SNTB1: variants seen among roughly 807,000 people sequenced by gnomAD.
SNTB1 encodes the protein beta-1-syntrophin.
A neutral mutation model predicts 48.9 loss-of-function variants in SNTB1; 36 were observed. That is an observed-to-expected ratio of 0.74 (90% CI 0.56 to 0.97). The LOEUF (loss-of-function observed/expected upper bound fraction) is 0.97. Among genes scored for constraint, SNTB1 ranks in the 50% least tolerant of loss-of-function variants. The probability of loss-of-function intolerance (pLI) is 0.00; values close to 1 mark genes in which losing one functional copy is unlikely to be tolerated. For missense variants in SNTB1, 786 were observed against 703.4 expected (o/e 1.12, Z -1.33); for synonymous variants, 299 against 294.6 (o/e 1.01, Z -0.15).
At chr8:120,566,637 C>T (rs1815753344) in intron 4 of SNTB1, among the ~76,000 whole-genome samples, 1 of 152,174 alleles carries the variant, frequency 6.6e-6, no homozygotes, top group South Asian at 2.1e-4. Flanking sequence ...TCTTCTAAAT[C>T]AATAGTTCTC....
chr8:120,694,081 A>C (rs1284013934), intron 1 of SNTB1, among the ~76,000 whole-genome samples, 173 bp from the exon 2 acceptor site: 2 of 151,182 alleles, frequency 1.3e-5, no homozygotes, highest in African/African-American at 2.4e-5. Flanking sequence ...CTTATTATTT[A>C]AATTATATAG....
At chr8:120,555,963 C>T (rs766139246) in intron 4 of SNTB1, among the ~76,000 whole-genome samples, 2 of 152,192 alleles carry the variant, frequency 1.3e-5, no homozygotes, top group Non-Finnish European at 2.9e-5. Flanking sequence ...TGATCTTGGA[C>T]TTCCAGCCTC....
At chr8:120,762,817 G>GA (rs756391401) in intron 1 of SNTB1, among the ~76,000 whole-genome samples, 113 of 151,434 alleles carry the variant, frequency 7.5e-4, no homozygotes, top group East Asian at 3.1e-3. Context: ...CTTGCCGAAA[G>GA]AAAAAAAATA....
intron 4 of SNTB1, among the ~76,000 whole-genome samples, chr8:120,561,054 G>T (rs1260303127): frequency 6.6e-6 from 1 of 151,924 alleles, no homozygotes; most frequent in Non-Finnish European, 1.5e-5. Flanking sequence ...GAGGCTGGGC[G>T]CAGTGGCTCA....
chr8:120,799,039 C>T (rs1820170865), intron 1 of SNTB1, among the ~76,000 whole-genome samples: 1 of 151,942 alleles, frequency 6.6e-6, no homozygotes, highest in South Asian at 2.1e-4. Flanking sequence ...CAGAAGCAAC[C>T]CTTAACGCAA....
chr8:120,700,823 A>T lies in SNTB1; in HGVS notation c.572-6915T>A, dbSNP rs558660393. Among the ~76,000 whole-genome samples the T allele has an allele frequency of 3.9e-5, 6 of 152,354 alleles. No individual in the cohort carries two copies. In the East Asian group the frequency reaches 9.6e-4, roughly 24 times the overall value. ...GGAAATGCTTTAGGCAAATCCAATC[A>T]ACTCTCCTACCAGACTGGTTTCTAA... On this transcript the variant is annotated intron_variant, in intron 1 of 6. Transcript: ENST00000517992.
At chr8:120,611,326 A>T (rs985469571) in intron 3 of SNTB1, among the ~76,000 whole-genome samples, 1 of 148,222 alleles carries the variant, frequency 6.7e-6, no homozygotes, top group African/African-American at 2.5e-5. Context: ...GCAAAATCAA[A>T]AGTTGGCAAA....
intron 2 of SNTB1, among the ~76,000 whole-genome samples, chr8:120,667,157 G>GACCATCATAGTTCACTGCAGCGGC (rs1415419555): frequency 2.6e-4 from 8 of 30,628 alleles, no homozygotes; most frequent in Non-Finnish European, 4.3e-4. Flanking sequence ...GCTGCAGTGG[G>GACCATCATAGTTCACTGCAGCGGC]ACCATCATAG....
intron 1 of SNTB1, among the ~76,000 whole-genome samples, chr8:120,806,143 A>G (rs1820331103): frequency 6.6e-6 from 1 of 152,234 alleles, no homozygotes; most frequent in Non-Finnish European, 1.5e-5. Context: ...CCAGTTCTCA[A>G]GAAGGTGGGG....
chr8:120,690,963 G>A (rs1480228367), intron 2 of SNTB1, among the ~76,000 whole-genome samples: 1 of 152,196 alleles, frequency 6.6e-6, no homozygotes, highest in Non-Finnish European at 1.5e-5. Flanking sequence ...CTGCCCTGCT[G>A]GTTCTCACAC....
At chr8:120,743,155 G>A (rs1353762915) in intron 1 of SNTB1, among the ~76,000 whole-genome samples, 1 of 152,096 alleles carries the variant, frequency 6.6e-6, no homozygotes, top group African/African-American at 2.4e-5. Context: ...CTTCTTTATG[G>A]GTTTTTCTGC....
intron 4 of SNTB1, among the ~76,000 whole-genome samples, chr8:120,573,889 G>A (rs539232415): frequency 2.6e-5 from 4 of 152,282 alleles, no homozygotes; most frequent in Admixed American, 6.5e-5. Context: ...ACTGGTCTCC[G>A]TGTTTTTATG....
At chr8:120,775,707 CAAGGAAGGAAGGAAGG>C (rs371412589) in intron 1 of SNTB1, among the ~76,000 whole-genome samples, 2,154 of 114,442 alleles carry the variant, frequency 0.019, 54 homozygotes, top group African/African-American at 0.058. Flanking sequence ...GGGAAGGAGA[CAAGGAAGGAAGGAAGG>C]AAGGAAGGAA....
At chr8:120,761,761 C>T (rs576060663) in intron 1 of SNTB1, among the ~76,000 whole-genome samples, 1 of 152,204 alleles carries the variant, frequency 6.6e-6, no homozygotes, top group Non-Finnish European at 1.5e-5. Flanking sequence ...ACTTCCCAGA[C>T]ATTTTCTTAC....
Position 120,670,815 on chromosome 8 carries a change from G to A in SNTB1, c.788+22877C>T, listed in dbSNP as rs200241469. Among the ~76,000 whole-genome samples the A allele has an allele frequency of 3.9e-5, 6 of 152,132 alleles. No individual in the cohort carries two copies. In the East Asian group the frequency reaches 7.7e-4, roughly 20 times the overall value. On this transcript the variant is annotated intron_variant, in intron 2 of 6. Coordinates refer to ENST00000517992, the MANE Select transcript of SNTB1 (RefSeq NM_021021.4). ...TGCTCCTAGCAGCTCTTCATCATTCGGAGTAGATGGACACAATGTTCTTTC... is the reference window on the plus strand; with the variant it reads ...TGCTCCTAGCAGCTCTTCATCATTCAGAGTAGATGGACACAATGTTCTTTC...
At chr8:120,559,132 T>A (rs1815613537) in intron 4 of SNTB1, among the ~76,000 whole-genome samples, 1 of 152,230 alleles carries the variant, frequency 6.6e-6, no homozygotes, top group South Asian at 2.1e-4. Flanking sequence ...ACATGCTAAT[T>A]TCCAGATTAA....
At position 120,537,777 on chromosome 8, in the gene SNTB1, A is replaced by C. The variant is rs1798212754; in HGVS notation, c.*1100T>G. The C allele has an allele frequency of 6.6e-6, 1 of 152,260 alleles. No individual in the cohort carries two copies. The highest frequency in any genetic ancestry group is 1.5e-5 in the Non-Finnish European group (1 of 68,044). 9.4% of individuals were successfully genotyped at this position (152,260 alleles called of 1,614,324 possible). ...GAAAATATTCCTGTAGAAAGATATCAGGTCGTTATATTATTTCCCTGGAAT... is the reference window on the plus strand; with the variant it reads ...GAAAATATTCCTGTAGAAAGATATCCGGTCGTTATATTATTTCCCTGGAAT... On this transcript the variant is annotated 3_prime_UTR_variant, in exon 7 of 7. Coordinates refer to ENST00000517992, the MANE Select transcript of SNTB1 (RefSeq NM_021021.4).
In SNTB1 at chr8:120,746,300, AT is replaced by A. The variant is rs530731228; in HGVS notation, c.572-52393del. Among the ~76,000 whole-genome samples, 707 of 152,180 alleles carry A rather than the reference AT, an allele frequency of 4.6e-3. 5 individuals are homozygous for A. Among genetic ancestry groups the A allele is most frequent in the Admixed American group, 7.3e-3 (111 of 15,274 alleles). On this transcript the variant is annotated intron_variant, in intron 1 of 6. Transcript: ENST00000517992. ...TCTTCCGTATGATTTTCTTAATAAC[AT>A]TTTTTTCTCTAGCTTACTTCATTGT...
In SNTB1 at chr8:120,609,457, A is replaced by G. The variant is rs116373519; in HGVS notation, c.996+22987T>C. On this transcript the variant is annotated intron_variant, in intron 3 of 6. Transcript: ENST00000517992. ...ACCAGGCAGCAGGGGCTGGGGCAGG[A>G]CACCCCGAGCCATCAGAAGAGACTG... 3.6e-3 allele frequency among the ~76,000 whole-genome samples: 545 copies of G among 152,302 alleles called. 4 individuals carry two copies. The highest frequency in any genetic ancestry group is 0.013 in the African/African-American group (521 of 41,568).
Sources: allele counts gnomAD v4.1 joint callset (sites outside exome capture counted in the v4.1 genomes callset), GRCh38; gene constraint gnomAD v4.1.1; transcripts MANE v1.5; gene names NCBI Gene and HGNC (gene_info 2026-07-23, HGNC 2026-07-21).